Variants in RASSF4 observed in about 807,000 individuals in gnomAD.
The protein encoded by RASSF4 is ras association domain-containing protein 4.
A neutral mutation model predicts 41.1 loss-of-function variants in RASSF4; 38 were observed. The observed-to-expected ratio is 0.92, with a 90% CI of 0.71 to 1.21. The LOEUF (loss-of-function observed/expected upper bound fraction) is 1.21. RASSF4 is among the 50% of genes most tolerant of loss of function. The pLI, the probability that RASSF4 is intolerant of heterozygous loss-of-function variation, is 0.00. For missense variants in RASSF4, 414 were observed against 419.4 expected (o/e 0.99, Z 0.11); for synonymous variants, 179 against 163.4 (o/e 1.10, Z -0.73).
intron 6 of RASSF4, 122 bp downstream of exon 6, chr10:44,985,092 C>T (rs538809722): frequency 1.0e-4 from 115 of 1,103,420 alleles, no homozygotes; most frequent in Non-Finnish European, 1.4e-4. Flanking sequence ...GAGGAAAAAC[C>T]AGGTTGCATC....
At chr10:44,987,741 C>T (rs913113582) in intron 6 of RASSF4, among the ~76,000 whole-genome samples, 2 of 150,878 alleles carry the variant, frequency 1.3e-5, no homozygotes, top group Non-Finnish European at 2.9e-5. Flanking sequence ...CACTTTGTGT[C>T]TCTGTGTCAG....
At chr10:44,981,138 T>C (rs1298345802) in intron 3 of RASSF4, 3 of 152,208 alleles carry the variant, frequency 2.0e-5, no homozygotes, top group Non-Finnish European at 4.4e-5. Flanking sequence ...CTGCCAGGGA[T>C]ACAAAGAAGT....
intron 8 of RASSF4, among the ~76,000 whole-genome samples, chr10:44,989,982 T>C (rs1317460150): frequency 1.3e-5 from 2 of 152,276 alleles, no homozygotes; most frequent in Non-Finnish European, 2.9e-5. Context: ...TTGGATTTTC[T>C]AGGTCGCTCA....
Position 44,994,392 on chromosome 10 carries a change from G to A in RASSF4, c.*1063G>A, listed in dbSNP as rs1842225877. The A allele has an allele frequency of 6.6e-6, 1 of 152,650 alleles. No individual in the cohort carries two copies. The highest frequency in any genetic ancestry group is 1.5e-5 in the Non-Finnish European group (1 of 68,042). The allele number at this position is 152,650 out of a possible 1,614,324, so 9.5% of individuals were successfully genotyped here. A position where few individuals can be genotyped will look rare whatever the true frequency, so the allele number is the denominator to read the frequency against. On this transcript the variant is annotated 3_prime_UTR_variant, in exon 11 of 11. Coordinates refer to ENST00000340258, the MANE Select transcript of RASSF4 (RefSeq NM_032023.4). ...TTTGTCTAAAACAGAGCAAACTGAAGACCAAATTATTCTCCTGTTGAGGTC... is the reference window on the plus strand; with the variant it reads ...TTTGTCTAAAACAGAGCAAACTGAAAACCAAATTATTCTCCTGTTGAGGTC...
At chr10:44,968,762 C>G (rs769705235) in intron 1 of RASSF4, among the ~76,000 whole-genome samples, 23 of 152,194 alleles carry the variant, frequency 1.5e-4, no homozygotes, top group Non-Finnish European at 2.8e-4. Flanking sequence ...GTGGCATTTG[C>G]ACACACTCAG....
chr10:44,973,067 C>T (rs1268114390), intron 3 of RASSF4, among the ~76,000 whole-genome samples: 1 of 152,228 alleles, frequency 6.6e-6, no homozygotes, highest in Non-Finnish European at 1.5e-5. Context: ...CTGTGCTGGG[C>T]TGCCTGTGAC....
intron 6 of RASSF4, among the ~76,000 whole-genome samples, chr10:44,986,610 C>T (rs1841928885): frequency 6.6e-6 from 1 of 152,200 alleles, no homozygotes; most frequent in Non-Finnish European, 1.5e-5. Context: ...CAGTAGCTCC[C>T]CCACCTCCTG....
At chr10:44,964,564 T>C (rs1469008843) in intron 1 of RASSF4, among the ~76,000 whole-genome samples, 1 of 152,246 alleles carries the variant, frequency 6.6e-6, no homozygotes, top group African/African-American at 2.4e-5. Context: ...CTGCCACCCA[T>C]GCAGCCTCGC....
chr10:44,970,197 G>C lies in RASSF4; in HGVS notation c.-6G>C. 6.2e-7 allele frequency: 1 copy of C among 1,613,154 alleles called. No homozygotes were observed. The highest frequency in any genetic ancestry group is 1.1e-5 in the South Asian group (1 of 91,070). On this transcript the variant is annotated 5_prime_UTR_variant, in exon 2 of 11. Transcript: ENST00000340258. ...CTTCTAGGTCTGCAGACAAGAGGAAGAGAAGATGAAGGAAGACTGTCTGCC... is the reference window on the plus strand; with the variant it reads ...CTTCTAGGTCTGCAGACAAGAGGAACAGAAGATGAAGGAAGACTGTCTGCC...
chr10:44,961,065 G>A (rs1008729176), intron 1 of RASSF4, among the ~76,000 whole-genome samples: 1 of 152,184 alleles, frequency 6.6e-6, no homozygotes, highest in Admixed American at 6.5e-5. Flanking sequence ...GAAGAGGAGA[G>A]ATGAAACTCA....
rs531699743 is a variant in RASSF4 at position 44,977,142 on chromosome 10, TTAAG to T, written c.138+5300_138+5303del. 2.2e-4 allele frequency: 95 copies of T among 426,456 alleles called. 1 individual carries two copies. The highest frequency in any genetic ancestry group is 1.5e-3 in the African/African-American group (76 of 50,298). 26.4% of individuals were successfully genotyped at this position (426,456 alleles called of 1,614,324 possible). ...CATGAGAAACTGAGGAACACAGATGTTAAGTAAGTTGCTCAAGGTGATCAGCCAG... is the reference window on the plus strand; with the variant it reads ...CATGAGAAACTGAGGAACACAGATGTTAAGTTGCTCAAGGTGATCAGCCAG... On this transcript the variant is annotated intron_variant, in intron 3 of 10. Coordinates refer to ENST00000340258, the MANE Select transcript of RASSF4 (RefSeq NM_032023.4).
intron 3 of RASSF4, among the ~76,000 whole-genome samples, chr10:44,980,547 C>T (rs1841665373): frequency 1.3e-5 from 2 of 152,184 alleles, no homozygotes; most frequent in African/African-American, 4.8e-5. Flanking sequence ...TACAGCCAAG[C>T]CCCCGACCTT....
intron 3 of RASSF4, among the ~76,000 whole-genome samples, chr10:44,975,770 C>G (rs1476467375): frequency 6.6e-6 from 1 of 151,124 alleles, no homozygotes; most frequent in Non-Finnish European, 1.5e-5. Flanking sequence ...CCAAAGGTGC[C>G]ATTGACCTCT....
chr10:44,977,002 A>C, intron 3 of RASSF4: 2 of 164,564 alleles, frequency 1.2e-5, no homozygotes, highest in Admixed American at 6.2e-5. Flanking sequence ...TCACACCCCT[A>C]CCACCAGTTT....
intron 4 of RASSF4, chr10:44,982,913 C>T (rs1435214401): frequency 1.4e-6 from 1 of 692,620 alleles, no homozygotes; most frequent in East Asian, 2.8e-5. Context: ...CTGCAAGCCA[C>T]CTTGCTGGCA....
intron 1 of RASSF4, among the ~76,000 whole-genome samples, chr10:44,961,861 A>G (rs1840724355): frequency 1.3e-5 from 2 of 152,216 alleles, no homozygotes; most frequent in African/African-American, 4.8e-5. Flanking sequence ...ATGTTTGGGG[A>G]AATTGTTTTA....
chr10:44,973,322 G>A (rs903347333), intron 3 of RASSF4, among the ~76,000 whole-genome samples: 18 of 152,284 alleles, frequency 1.2e-4, no homozygotes, highest in Admixed American at 3.3e-4. Flanking sequence ...GTGAGTCCTC[G>A]GTCCTGAGCT....
intron 3 of RASSF4, among the ~76,000 whole-genome samples, chr10:44,974,801 A>G (rs968252604): frequency 6.6e-6 from 1 of 152,080 alleles, no homozygotes; most frequent in African/African-American, 2.4e-5. Flanking sequence ...CCCGCTTCCG[A>G]GGGGCTAGAG....
chr10:44,963,399 A>C (rs1450356008), intron 1 of RASSF4, among the ~76,000 whole-genome samples: 1 of 152,206 alleles, frequency 6.6e-6, no homozygotes, highest in African/African-American at 2.4e-5. Flanking sequence ...CAGACGCTGC[A>C]ACTTCTTCAC....
Sources: allele counts gnomAD v4.1 joint callset (sites outside exome capture counted in the v4.1 genomes callset), GRCh38; gene constraint gnomAD v4.1.1; transcripts MANE v1.5; gene names NCBI Gene and HGNC (gene_info 2026-07-23, HGNC 2026-07-21).